The following MPDZ variants were observed in gnomAD, a reference collection of about 807,000 sequenced individuals.
MPDZ encodes the protein multiple PDZ domain protein.
In MPDZ, 234 loss-of-function variants were observed where a neutral mutation model predicts 239.1. The observed-to-expected ratio is 0.98, with a 90% CI of 0.88 to 1.09. MPDZ has a LOEUF of 1.09. Among genes scored for constraint, MPDZ ranks in the 50% least tolerant of loss-of-function variants. The probability of loss-of-function intolerance (pLI) is 0.00; values close to 1 mark genes in which losing one functional copy is unlikely to be tolerated. For synonymous variants in MPDZ, 1,048 were observed against 881.3 expected, an observed-to-expected ratio of 1.19 and a Z score of -3.35; for missense variants, 3,175 against 2,510.0, an observed-to-expected ratio of 1.26 and a Z score of -5.66.
intron 1 of MPDZ, among the ~76,000 whole-genome samples, chr9:13,252,781 C>G (rs1291000372): frequency 1.3e-5 from 2 of 151,780 alleles, no homozygotes; most frequent in African/African-American, 4.8e-5. Context: ...TAAAGATGCC[C>G]CAATATAAGG....
At chr9:13,187,493 T>C (rs1954280731) in intron 17 of MPDZ, among the ~76,000 whole-genome samples, 1 of 152,106 alleles carries the variant, frequency 6.6e-6, no homozygotes, top group African/African-American at 2.4e-5. Flanking sequence ...TCCATAGTGC[T>C]CTTTTGTCAT....
At chr9:13,159,449 G>C (rs1950207663) in intron 23 of MPDZ, among the ~76,000 whole-genome samples, 3 of 152,138 alleles carry the variant, frequency 2.0e-5, no homozygotes, top group Non-Finnish European at 4.4e-5. Context: ...CAATGTCAAA[G>C]AGTTGACAGA....
chr9:13,138,050 G>A lies in MPDZ; in HGVS notation c.4107C>T (p.Asp1369=), dbSNP rs1318837207. Residue 1369 remains aspartate (D), a synonymous_variant, in exon 29 of 47, where the codon GAC becomes GAT. Transcript: ENST00000319217. The part of the protein sequence containing the change: ...GLGLSLAGNK[D]RSRMSVFIVG... Reference sequence around the variant, plus strand: ...CTATGAAGACACTCATCCTGGATCGGTCTTTGTTCCCAGCAAGACTTAGGC... The same window carrying A: ...CTATGAAGACACTCATCCTGGATCGATCTTTGTTCCCAGCAAGACTTAGGC... 1 of 1,613,752 alleles carries A rather than the reference G, an allele frequency of 6.2e-7. No homozygotes were observed. Among genetic ancestry groups the A allele is most frequent in the East Asian group, 2.2e-5 (1 of 44,838 alleles).
chr9:13,210,252 C>A (rs949772216), intron 10 of MPDZ, among the ~76,000 whole-genome samples: 1 of 151,888 alleles, frequency 6.6e-6, no homozygotes, highest in Non-Finnish European at 1.5e-5. Flanking sequence ...TATGAGAAAA[C>A]AGAAATTGTG....
intron 41 of MPDZ, 35 bp from the exon 42 acceptor site, chr9:13,113,089 T>C: frequency 1.3e-6 from 2 of 1,510,650 alleles, no homozygotes; most frequent in Non-Finnish European, 1.8e-6. Context: ...AGGGTTATTT[T>C]ATGTTCATTC....
intron 22 of MPDZ, chr9:13,165,445 A>T: frequency 1.9e-6 from 3 of 1,547,616 alleles, no homozygotes; most frequent in Non-Finnish European, 2.6e-6. Context: ...ATCTTTTTAC[A>T]ATGGTGTTAA....
rs1193402258 is a variant in MPDZ, at chr9:13,122,523, C to CTTTTTTTTTTT, written c.4954-364_4954-354dup. ...CTACAAAGTATCAATTTTTCAAACTCTTTTTTTTTTTTTTTGAGACGTAGT... is the reference window on the plus strand; with the variant it reads ...CTACAAAGTATCAATTTTTCAAACTCTTTTTTTTTTTTTTTTTTTTTTTTTTGAGACGTAGT... On this transcript the variant is annotated intron_variant, in intron 36 of 46. Coordinates refer to ENST00000319217, the MANE Select transcript of MPDZ (RefSeq NM_001378778.1). 3.3e-3 allele frequency among the ~76,000 whole-genome samples: 471 copies of CTTTTTTTTTTT among 141,018 alleles called. 7 individuals are homozygous for CTTTTTTTTTTT. Among genetic ancestry groups the CTTTTTTTTTTT allele is most frequent in the African/African-American group, 0.011 (420 of 37,752 alleles). 92.5% of individuals were successfully genotyped at this position (141,018 alleles called of 152,430 possible).
intron 46 of MPDZ, among the ~76,000 whole-genome samples, chr9:13,108,393 G>A (rs1410190305): frequency 6.6e-6 from 1 of 151,922 alleles, no homozygotes; most frequent in Non-Finnish European, 1.5e-5. Flanking sequence ...TGAATCCCTT[G>A]ATTGCAAATC....
intron 1 of MPDZ, among the ~76,000 whole-genome samples, chr9:13,263,417 C>T (rs1383540693): frequency 1.3e-5 from 2 of 149,090 alleles, no homozygotes; most frequent in African/African-American, 2.5e-5. Flanking sequence ...AAAAAGATTT[C>T]GCCTAAAACT....
At chr9:13,178,852 T>G (rs1952874869) in intron 19 of MPDZ, among the ~76,000 whole-genome samples, 1 of 152,228 alleles carries the variant, frequency 6.6e-6, no homozygotes, top group African/African-American at 2.4e-5. Flanking sequence ...TTTGTCATTC[T>G]CTTGTGCTTT....
intron 8 of MPDZ, 78 bp downstream of exon 8, chr9:13,219,481 A>G (rs894654805): frequency 3.1e-6 from 4 of 1,271,678 alleles, no homozygotes; most frequent in Non-Finnish European, 3.3e-6. Context: ...TAGTAAGTCT[A>G]GTTTCTAAGT....
intron 28 of MPDZ, among the ~76,000 whole-genome samples, chr9:13,139,297 T>G (rs1947298187): frequency 6.6e-6 from 1 of 152,200 alleles, no homozygotes; most frequent in Non-Finnish European, 1.5e-5. Context: ...TTTAAAACAA[T>G]GACATTGATA....
At chr9:13,147,780 T>C (rs1948634301) in intron 25 of MPDZ, 122 bp from the exon 26 acceptor site, 1 of 662,644 alleles carries the variant, frequency 1.5e-6, no homozygotes. Context: ...ATATCAAAAA[T>C]AATTGAGACT....
Position 13,107,049 on chromosome 9 carries a change from C to G in MPDZ, c.6129G>C (p.Gln2043His). 1 of 1,610,790 alleles carries G rather than the reference C, an allele frequency of 6.2e-7. No homozygotes were observed. Residue 2043 changes from glutamine (Q) to histidine (H), a missense_variant, in exon 47 of 47, where the codon CAG (glutamine) becomes CAC (histidine). By Grantham distance (24) the Gln-to-His change is conservative. Transcript: ENST00000319217. ...RGDQIIAVNG[Q>H]SLEGVTHEEA... is the part of the protein sequence containing the mutation. ...CTTCATGGGTGACTCCTTCTAGACTCTGCCCATTGACAGCAATGATCTGAT... is the reference window on the plus strand; with the variant it reads ...CTTCATGGGTGACTCCTTCTAGACTGTGCCCATTGACAGCAATGATCTGAT...
At chr9:13,279,375 G>A (rs529616163) in intron 1 of MPDZ, 25 bp downstream of exon 1, 11 of 144,310 alleles carry the variant, frequency 7.6e-5, no homozygotes, top group African/African-American at 2.7e-4. Context: ...CTCGGCCTCT[G>A]GGCCGGGGCT....
In MPDZ at chr9:13,222,259, T is replaced by G; in HGVS notation, c.721A>C (p.Ser241Arg). The G allele has an allele frequency of 6.2e-7, 1 of 1,612,644 alleles. No homozygotes were observed. ...PIVSRSPSAA[S>R]TISAHSNPVH... ...GGATTAGAGTGAGCTGAAATTGTGC[T>G]GGCTGCAGATGGAGAACGGGAAACT... The change falls in exon 6 of 47, where the codon AGC (serine) becomes CGC (arginine). Residue 241 changes from serine (S) to arginine (R), a missense_variant. Ser to Arg is a moderately radical substitution (Grantham distance 110). Transcript: ENST00000319217.
At chr9:13,191,562 A>T (rs1954932648) in intron 15 of MPDZ, among the ~76,000 whole-genome samples, 1 of 152,152 alleles carries the variant, frequency 6.6e-6, no homozygotes, top group Admixed American at 6.6e-5. Context: ...TATGGGCCAA[A>T]TTTATTGTAT....
intron 31 of MPDZ, chr9:13,134,502 T>C (rs1280966078): frequency 6.6e-6 from 1 of 152,216 alleles, no homozygotes; most frequent in African/African-American, 2.4e-5. Flanking sequence ...TATGTATACA[T>C]AAGCTCTATG....
chr9:13,231,199 A>G lies in MPDZ; in HGVS notation c.184-6616T>C, dbSNP rs73408227. Among the ~76,000 whole-genome samples, 1,469 of 152,274 alleles carry G rather than the reference A, an allele frequency of 9.6e-3. 25 individuals are homozygous for G. Among genetic ancestry groups the G allele is most frequent in the African/African-American group, 0.034 (1,405 of 41,552 alleles). ...CATAATTAGACTCTACAGGCATGCA[A>G]TAACCATATGCAAAAAAATGGGGAA... is the stretch of plus-strand genomic sequence containing the variant. On this transcript the variant is annotated intron_variant, in intron 3 of 46. Transcript: ENST00000319217.
Sources: gnomAD v4.1 joint callset for allele counts (sites outside exome capture counted in the v4.1 genomes callset) on GRCh38, gnomAD v4.1.1 for gene constraint, MANE v1.5 for transcripts, NCBI Gene and HGNC (gene_info 2026-07-23, HGNC 2026-07-21) for gene names.